Variants in TRDN observed in about 807,000 individuals in gnomAD.
TRDN encodes triadin, also known as triadin in skeletal muscle.
Under a neutral mutation model 149.7 loss-of-function variants are expected in TRDN, and 161 were observed. The ratio of observed to expected loss-of-function variants is 1.08; its 90% CI spans 0.95 to 1.23. The LOEUF (loss-of-function observed/expected upper bound fraction) is 1.23, where lower values mean the gene tolerates loss of function less well. Among genes scored for constraint, TRDN ranks in the 50% most tolerant of loss-of-function variants. TRDN has a pLI of 0.00. For missense variants in TRDN, 896 were observed against 823.5 expected, an observed-to-expected ratio of 1.09 and a Z score of -1.08; for synonymous variants, 294 against 250.5, an observed-to-expected ratio of 1.17 and a Z score of -1.64.
chr6:123,288,547 C>T (rs1270289415), intron 24 of TRDN, among the ~76,000 whole-genome samples: 1 of 151,910 alleles, frequency 6.6e-6, no homozygotes, highest in Non-Finnish European at 1.5e-5. Flanking sequence ...AAAACAAACA[C>T]CTTATTTTAA....
At chr6:123,281,810 A>G (rs1278013498) in intron 24 of TRDN, among the ~76,000 whole-genome samples, 1 of 152,064 alleles carries the variant, frequency 6.6e-6, no homozygotes, top group Non-Finnish European at 1.5e-5. Flanking sequence ...TCTACATGCC[A>G]TGTCCTATAT....
At chr6:123,532,757 A>G (rs539708479) in intron 4 of TRDN, among the ~76,000 whole-genome samples, 1 of 151,220 alleles carries the variant, frequency 6.6e-6, no homozygotes, top group African/African-American at 2.4e-5. Context: ...AATTAGTTTT[A>G]TATTTTTCTT....
At chr6:123,480,731 A>C (rs2114768486) in intron 9 of TRDN, among the ~76,000 whole-genome samples, 1 of 152,240 alleles carries the variant, frequency 6.6e-6, no homozygotes, top group Admixed American at 6.5e-5. Flanking sequence ...ACATTTACAA[A>C]ATGTATTAAA....
intron 10 of TRDN, among the ~76,000 whole-genome samples, chr6:123,450,791 A>T (rs756737410): frequency 1.3e-5 from 2 of 152,118 alleles, no homozygotes; most frequent in Admixed American, 6.5e-5. Flanking sequence ...ACAACCACAG[A>T]ATACACATTC....
intron 12 of TRDN, among the ~76,000 whole-genome samples, chr6:123,433,630 G>T (rs1157626970): frequency 6.6e-6 from 1 of 151,494 alleles, no homozygotes; most frequent in African/African-American, 2.4e-5. Flanking sequence ...GTTCTATACA[G>T]ATAATTCCTG....
intron 12 of TRDN, among the ~76,000 whole-genome samples, chr6:123,397,636 T>C (rs1772787511): frequency 6.6e-6 from 1 of 152,212 alleles, no homozygotes; most frequent in Non-Finnish European, 1.5e-5. Context: ...AAAATCTCTT[T>C]TTCTCTTTGA....
At chr6:123,229,519 C>T (rs1204298940) in intron 38 of TRDN, among the ~76,000 whole-genome samples, 8 of 151,918 alleles carry the variant, frequency 5.3e-5, no homozygotes, top group Non-Finnish European at 8.8e-5. Flanking sequence ...TACCTCTGTT[C>T]TCTGCCTGAA....
At chr6:123,485,948 T>C (rs1341423850) in intron 9 of TRDN, among the ~76,000 whole-genome samples, 2 of 152,084 alleles carry the variant, frequency 1.3e-5, no homozygotes, top group African/African-American at 4.8e-5. Context: ...TCTGTGAATG[T>C]TGTATCACTA....
chr6:123,273,706 T>C (rs530591002), intron 27 of TRDN, among the ~76,000 whole-genome samples: 1 of 152,172 alleles, frequency 6.6e-6, no homozygotes, highest in South Asian at 2.1e-4. Context: ...GCCAGGTAAG[T>C]TCTGGTGAGA....
chr6:123,523,602 AT>A (rs1393005559), intron 5 of TRDN, among the ~76,000 whole-genome samples: 1 of 152,160 alleles, frequency 6.6e-6, no homozygotes, highest in Non-Finnish European at 1.5e-5. Flanking sequence ...GACTGTCACA[AT>A]TTAATTGAGA....
In TRDN at chr6:123,581,465, C is replaced by T. The variant is rs190078417; in HGVS notation, c.23-10333G>A. 7.2e-4 allele frequency among the ~76,000 whole-genome samples: 109 copies of T among 152,162 alleles called. 2 individuals carry two copies. The East Asian group carries it at 0.014, about 19-fold the overall frequency. On this transcript the variant is annotated intron_variant, in intron 1 of 40. Transcript: ENST00000334268. Reference sequence around the variant, plus strand: ...TAGCACATTTTGCACAGTTAAGGCCCCAATAGTTATTAAATATGAGAAATA... The same window carrying T: ...TAGCACATTTTGCACAGTTAAGGCCTCAATAGTTATTAAATATGAGAAATA...
At chr6:123,408,597 G>T (rs1390136173) in intron 12 of TRDN, among the ~76,000 whole-genome samples, 2 of 151,358 alleles carry the variant, frequency 1.3e-5, no homozygotes, top group Non-Finnish European at 2.9e-5. Context: ...AGAATTGCTT[G>T]AACCCAGGAC....
intron 10 of TRDN, among the ~76,000 whole-genome samples, chr6:123,461,982 G>T (rs1776475181): frequency 6.6e-6 from 1 of 152,038 alleles, no homozygotes; most frequent in Non-Finnish European, 1.5e-5. Context: ...CTTAAAAGAT[G>T]AGAATTAATA....
intron 4 of TRDN, among the ~76,000 whole-genome samples, chr6:123,532,467 TTAAAAA>T (rs1780296074): frequency 6.6e-6 from 1 of 151,886 alleles, no homozygotes; most frequent in African/African-American, 2.4e-5. Context: ...TTGGAAAGCC[TTAAAAA>T]CAGGCCTGAG....
intron 10 of TRDN, among the ~76,000 whole-genome samples, chr6:123,453,054 G>A (rs1360507229): frequency 3.9e-5 from 6 of 152,116 alleles, no homozygotes; most frequent in Admixed American, 6.6e-5. Context: ...GCCACATGTA[G>A]GAGAATGAAA....
chr6:123,466,084 A>T (rs116378079), intron 9 of TRDN, among the ~76,000 whole-genome samples: 2,646 of 152,326 alleles, frequency 0.017, 86 homozygotes, highest in African/African-American at 0.059. Context: ...ATGTTTAAGT[A>T]TGTATAGAAG....
chr6:123,533,669 G>A (rs908523357), intron 4 of TRDN, among the ~76,000 whole-genome samples: 5 of 151,916 alleles, frequency 3.3e-5, no homozygotes, highest in Non-Finnish European at 5.9e-5. Flanking sequence ...TAACTGAAAT[G>A]AGCAAGGGAC....
chr6:123,453,616 C>T (rs6900356), intron 10 of TRDN, among the ~76,000 whole-genome samples: 32,601 of 151,898 alleles, frequency 0.21, 4,507 homozygotes, highest in East Asian at 0.63. Context: ...ACAGTAGTGG[C>T]ATGTATGTGG....
intron 1 of TRDN, among the ~76,000 whole-genome samples, chr6:123,583,215 G>A (rs1334413974): frequency 5.3e-5 from 8 of 152,062 alleles, no homozygotes; most frequent in South Asian, 2.1e-4. Context: ...ACTGTAAACC[G>A]GCAGTGTAAA....
Sources: allele counts gnomAD v4.1 joint callset (sites outside exome capture counted in the v4.1 genomes callset), GRCh38; gene constraint gnomAD v4.1.1; transcripts MANE v1.5; gene names NCBI Gene and HGNC (gene_info 2026-07-23, HGNC 2026-07-21).